The following ESRRG variants were observed in gnomAD, a reference collection of about 807,000 sequenced individuals.
ESRRG encodes estrogen related receptor gamma.
ESRRG carries 13 observed loss-of-function variants against 44.0 expected under a neutral mutation model. The observed-to-expected ratio is 0.30, with a 90% CI of 0.19 to 0.47. The LOEUF (loss-of-function observed/expected upper bound fraction) is 0.47. ESRRG is among the 20% of genes least tolerant of loss of function. The pLI, the probability that ESRRG is intolerant of heterozygous loss-of-function variation, is 1.00. For synonymous variants in ESRRG, 215 were observed against 214.6 expected (o/e 1.00, Z -0.02); for missense variants, 395 against 580.6 (o/e 0.68, Z 3.29).
chr1:216,936,317 C>G (rs2064143220), intron 2 of ESRRG, among the ~76,000 whole-genome samples: 1 of 152,024 alleles, frequency 6.6e-6, no homozygotes. Context: ...CATGAGAAAA[C>G]AAGTTAGCAT....
intron 1 of ESRRG, among the ~76,000 whole-genome samples, chr1:217,033,577 C>T (rs1280169225): frequency 1.3e-5 from 2 of 152,158 alleles, no homozygotes; most frequent in Non-Finnish European, 2.9e-5. Flanking sequence ...GGTTATACAA[C>T]TCTGAATATA....
intron 1 of ESRRG, among the ~76,000 whole-genome samples, chr1:216,995,962 C>G (rs559567513): frequency 6.6e-6 from 1 of 152,156 alleles, no homozygotes; most frequent in South Asian, 2.1e-4. Context: ...AATCTCCACT[C>G]AATTCCAGGA....
chr1:216,705,208 A>G (rs1424731713), intron 1 of ESRRG, among the ~76,000 whole-genome samples: 1 of 152,178 alleles, frequency 6.6e-6, no homozygotes, highest in African/African-American at 2.4e-5. Flanking sequence ...TAAGACTTTC[A>G]TTTAATAGTT....
At chr1:217,105,998 T>C (rs538845403) in intron 1 of ESRRG, among the ~76,000 whole-genome samples, 1 of 152,336 alleles carries the variant, frequency 6.6e-6, no homozygotes, top group Admixed American at 6.5e-5. Context: ...AAATTCAGAC[T>C]GTGATGAATT....
At chr1:216,708,129 T>C (rs2082805041) in intron 1 of ESRRG, among the ~76,000 whole-genome samples, 1 of 152,164 alleles carries the variant, frequency 6.6e-6, no homozygotes, top group Non-Finnish European at 1.5e-5. Context: ...ATTCAACGTG[T>C]GTTAAGACAG....
chr1:216,723,650 A>C (rs1418514213), upstream of ESRRG, among the ~76,000 whole-genome samples: 3 of 152,096 alleles, frequency 2.0e-5, no homozygotes, highest in Admixed American at 6.5e-5. Flanking sequence ...GTGGGCAGAG[A>C]AAAAGGGAGC....
chr1:216,876,976 ATGTGTGTGTGTGTG>A (rs61039286), intron 2 of ESRRG, among the ~76,000 whole-genome samples: 2 of 145,360 alleles, frequency 1.4e-5, no homozygotes, highest in African/African-American at 5.1e-5. Context: ...CTCTTCACTA[ATGTGTGTGTGTGTG>A]TGTGTGTGTG....
intron 2 of ESRRG, among the ~76,000 whole-genome samples, chr1:216,869,814 A>AT (rs1224954329): frequency 3.3e-5 from 5 of 151,870 alleles, no homozygotes; most frequent in African/African-American, 9.7e-5. Context: ...AGCTATTATA[A>AT]TTTTTTTAAA....
chr1:217,034,788 G>A lies in ESRRG; in HGVS notation c.-106+54719C>T, dbSNP rs183209331. On this transcript the variant is annotated intron_variant, in intron 1 of 7. Transcript: ENST00000359162. ...GGGACCAGGCTGCAGTGCACCATAC[G>A]TAACACCAGGTACATTCTGTGCCTA... 2.8e-3 allele frequency among the ~76,000 whole-genome samples: 423 copies of A among 152,236 alleles called. 2 individuals carry two copies. Among genetic ancestry groups the A allele is most frequent in the South Asian group, 0.014 (70 of 4,828 alleles).
At chr1:216,703,740 G>A (rs2081926614) in intron 1 of ESRRG, among the ~76,000 whole-genome samples, 1 of 151,470 alleles carries the variant, frequency 6.6e-6, no homozygotes, top group Non-Finnish European at 1.5e-5. Flanking sequence ...TGGGATTTTT[G>A]TTGAATGTGG....
chr1:216,595,357 C>G (rs1216951023), intron 3 of ESRRG, among the ~76,000 whole-genome samples: 1 of 152,072 alleles, frequency 6.6e-6, no homozygotes. Context: ...AAGTAGGAAA[C>G]TCCAACATGG....
intron 1 of ESRRG, among the ~76,000 whole-genome samples, chr1:217,010,329 T>C (rs1232697657): frequency 6.6e-6 from 1 of 152,224 alleles, no homozygotes; most frequent in Non-Finnish European, 1.5e-5. Flanking sequence ...TTTAAAAACA[T>C]ATTTTAGCAA....
chr1:216,578,863 AT>A, intron 3 of ESRRG, among the ~76,000 whole-genome samples: 1 of 152,254 alleles, frequency 6.6e-6, no homozygotes, highest in South Asian at 2.1e-4. Context: ...CTGAGGGCAC[AT>A]TTTCAAGCCA....
Position 217,107,245 on chromosome 1 carries a change from C to T in ESRRG, c.-230+30422G>A, listed in dbSNP as rs544256579. ...GAGTACGTCAAATCTCCTGTTCCTT[C>T]GGACGCTTGGATAAGATTCCCTTTC... On this transcript the variant is annotated intron_variant, in intron 1 of 8. Coordinates refer to the ESRRG transcript ENST00000366940. Among the ~76,000 whole-genome samples the T allele has an allele frequency of 4.7e-4, 72 of 152,310 alleles. 1 individual carries two copies. Among genetic ancestry groups the T allele is most frequent in the South Asian group, 4.4e-3 (21 of 4,826 alleles).
At chr1:216,644,722 C>A (rs2067182111) in intron 3 of ESRRG, among the ~76,000 whole-genome samples, 1 of 152,110 alleles carries the variant, frequency 6.6e-6, no homozygotes, top group Non-Finnish European at 1.5e-5. Context: ...CTGGCATGAG[C>A]CACTGCGCCT....
At chr1:216,980,729 C>G (rs1579003369) in intron 1 of ESRRG, among the ~76,000 whole-genome samples, 2 of 152,308 alleles carry the variant, frequency 1.3e-5, no homozygotes, top group Middle Eastern at 3.4e-3. Flanking sequence ...ATCCCCATTG[C>G]TCCAGATAAA....
intron 1 of ESRRG, among the ~76,000 whole-genome samples, chr1:217,073,482 G>A (rs2090872044): frequency 6.6e-6 from 1 of 152,094 alleles, no homozygotes; most frequent in Non-Finnish European, 1.5e-5. Context: ...AATAGTTACT[G>A]AGCAAGGCTT....
chr1:216,655,444 G>T (rs1225269891), intron 2 of ESRRG, among the ~76,000 whole-genome samples: 1 of 152,120 alleles, frequency 6.6e-6, no homozygotes, highest in African/African-American at 2.4e-5. Flanking sequence ...AGGGGCAAAT[G>T]CTTGAACTAT....
At chr1:217,129,283 A>G (rs777902242) in intron 1 of ESRRG, among the ~76,000 whole-genome samples, 15 of 152,246 alleles carry the variant, frequency 9.9e-5, no homozygotes, top group Non-Finnish European at 1.9e-4. Context: ...TCGAAACAAC[A>G]GTGAATTACC....
Sources: gnomAD v4.1 joint callset for allele counts (sites outside exome capture counted in the v4.1 genomes callset) on GRCh38, gnomAD v4.1.1 for gene constraint, MANE v1.5 for transcripts, NCBI Gene and HGNC (gene_info 2026-07-23, HGNC 2026-07-21) for gene names.